TMEM132D: variants seen among roughly 807,000 people sequenced by gnomAD.
TMEM132D encodes the protein mature OL transmembrane protein.
TMEM132D carries 21 observed loss-of-function variants against 62.3 expected under a neutral mutation model. The ratio of observed to expected loss-of-function variants is 0.34; its 90% CI spans 0.24 to 0.49. The LOEUF (loss-of-function observed/expected upper bound fraction) is 0.49. Ranked by LOEUF, TMEM132D falls within the 20% of genes least tolerant of loss-of-function variation. The pLI is 0.99. For synonymous variants in TMEM132D, 621 were observed against 575.6 expected (o/e 1.08, Z -1.13); for missense variants, 1,346 against 1,402.8 (o/e 0.96, Z 0.65).
chr12:129,818,009 CTA>C (rs1358618374), intron 1 of TMEM132D, among the ~76,000 whole-genome samples: 2 of 118,012 alleles, frequency 1.7e-5, no homozygotes, highest in Non-Finnish European at 3.5e-5. Flanking sequence ...GTGTGTGTGT[CTA>C]TGTGCATCTC....
intron 3 of TMEM132D, among the ~76,000 whole-genome samples, chr12:129,414,130 G>A (rs537125711): frequency 3.5e-4 from 53 of 152,240 alleles, no homozygotes; most frequent in South Asian, 2.5e-3. Flanking sequence ...TAAAGTGGGC[G>A]GCTGTGTTAT....
At chr12:129,246,038 C>T (rs1454301137) in intron 4 of TMEM132D, among the ~76,000 whole-genome samples, 1 of 152,052 alleles carries the variant, frequency 6.6e-6, no homozygotes, top group Non-Finnish European at 1.5e-5. Context: ...TCATGTTGGA[C>T]CCTCTCCCCA....
At chr12:129,254,035 G>A (rs1880338986) in intron 4 of TMEM132D, among the ~76,000 whole-genome samples, 1 of 152,152 alleles carries the variant, frequency 6.6e-6, no homozygotes, top group African/African-American at 2.4e-5. Context: ...AAGCAAAAAC[G>A]GACTTGGTGT....
At chr12:129,345,043 C>T (rs4301843) in intron 3 of TMEM132D, among the ~76,000 whole-genome samples, 44,348 of 151,926 alleles carry the variant, frequency 0.29, 7,336 homozygotes, top group South Asian at 0.39. Flanking sequence ...ACTGAAAAAA[C>T]TTCTTTCCTT....
intron 3 of TMEM132D, among the ~76,000 whole-genome samples, chr12:129,437,571 G>A (rs1192228823): frequency 6.6e-6 from 1 of 152,124 alleles, no homozygotes; most frequent in Non-Finnish European, 1.5e-5. Context: ...TGGTAAGGAT[G>A]TGAAGTGATG....
chr12:129,626,155 T>C (rs1290905870), intron 2 of TMEM132D, among the ~76,000 whole-genome samples: 1 of 151,880 alleles, frequency 6.6e-6, no homozygotes, highest in East Asian at 1.9e-4. Flanking sequence ...GCTCAGCAGG[T>C]TCTTCTCTGC....
chr12:129,107,070 G>A (rs923624699), intron 5 of TMEM132D, among the ~76,000 whole-genome samples: 4 of 152,162 alleles, frequency 2.6e-5, no homozygotes, highest in African/African-American at 4.8e-5. Context: ...CTAGAACAGT[G>A]CTTGGCATAT....
Position 129,095,953 on chromosome 12 carries a change from C to T in TMEM132D, c.1444-11251G>A, listed in dbSNP as rs536059352. Among the ~76,000 whole-genome samples the T allele has an allele frequency of 3.3e-5, 5 of 152,234 alleles. No individual in the cohort carries two copies. The East Asian group carries it at 9.7e-4, about 30-fold the overall frequency. ...CATTCAGTCCCTAGAGCCTGCTTTC[C>T]TATTCCAGGAGGAAGTTGCCAGCCT... On this transcript the variant is annotated intron_variant, in intron 5 of 8. Coordinates refer to ENST00000422113, the MANE Select transcript of TMEM132D (RefSeq NM_133448.3).
chr12:129,272,098 C>T (rs1332825520), intron 4 of TMEM132D, among the ~76,000 whole-genome samples: 2 of 151,718 alleles, frequency 1.3e-5, no homozygotes, highest in Non-Finnish European at 2.9e-5. Context: ...TGATTGGATG[C>T]CAGGTACTAA....
At chr12:129,381,765 A>C (rs530983845) in intron 3 of TMEM132D, among the ~76,000 whole-genome samples, 2 of 152,064 alleles carry the variant, frequency 1.3e-5, no homozygotes, top group South Asian at 4.2e-4. Flanking sequence ...ACAGGTATGG[A>C]GCTTGACAAA....
intron 2 of TMEM132D, among the ~76,000 whole-genome samples, chr12:129,588,342 C>T (rs908966228): frequency 5.3e-5 from 8 of 152,136 alleles, no homozygotes; most frequent in South Asian, 2.1e-4. Context: ...ACTTGTGCTC[C>T]GGAATCACTC....
At chr12:129,510,859 G>T (rs11832043) in intron 3 of TMEM132D, among the ~76,000 whole-genome samples, 27,887 of 152,044 alleles carry the variant, frequency 0.18, 2,858 homozygotes, top group South Asian at 0.27. Flanking sequence ...GTTCACTGTT[G>T]GTATATGGAT....
chr12:129,594,811 A>G (rs1290431523), intron 2 of TMEM132D, among the ~76,000 whole-genome samples: 2 of 152,160 alleles, frequency 1.3e-5, no homozygotes, highest in African/African-American at 4.8e-5. Flanking sequence ...GCCTCTGTAC[A>G]TAGTAGGGAC....
chr12:129,235,400 G>GT (rs55691625), intron 4 of TMEM132D, among the ~76,000 whole-genome samples: 9,339 of 148,422 alleles, frequency 0.063, 910 homozygotes, highest in African/African-American at 0.21. Context: ...CCCCTAATGG[G>GT]TTTTTTTTTT....
intron 3 of TMEM132D, among the ~76,000 whole-genome samples, chr12:129,469,636 C>A (rs1412797298): frequency 1.3e-5 from 2 of 152,188 alleles, no homozygotes; most frequent in Non-Finnish European, 2.9e-5. Context: ...TCACCGGACC[C>A]AGAGAGTGGG....
intron 5 of TMEM132D, among the ~76,000 whole-genome samples, chr12:129,163,123 C>T (rs903203205): frequency 7.2e-5 from 11 of 152,294 alleles, no homozygotes; most frequent in Middle Eastern, 3.4e-3. Context: ...AAGGGGTGGG[C>T]TTTGTACAGA....
rs1871467285 is a variant in TMEM132D at position 129,397,554 on chromosome 12, G to A, written c.1116-59737C>T. ...GATGATTGCATTAAGCCCATCTTTG[G>A]ATGGAAGACAAGCAGAGAAAGGAAA... On this transcript the variant is annotated intron_variant, in intron 3 of 8. Transcript: ENST00000422113. Among the ~76,000 whole-genome samples, 3 of 152,070 alleles carry A rather than the reference G, an allele frequency of 2.0e-5. No homozygotes were observed. In the South Asian group the frequency reaches 6.2e-4, roughly 32 times the overall value.
At chr12:129,109,776 CT>C (rs1565967024) in intron 5 of TMEM132D, 1 of 160,982 alleles carries the variant, frequency 6.2e-6, no homozygotes, top group Non-Finnish European at 1.3e-5. Context: ...AATGAAACCT[CT>C]TTTTGTTCCC....
intron 5 of TMEM132D, among the ~76,000 whole-genome samples, chr12:129,120,548 G>A (rs12423558): frequency 0.054 from 8,277 of 152,188 alleles, 372 homozygotes; most frequent in East Asian, 0.22. Context: ...AAAAAGTTGA[G>A]GGGCTGTCCT....
Sources: gnomAD v4.1 joint callset for allele counts (sites outside exome capture counted in the v4.1 genomes callset) on GRCh38, gnomAD v4.1.1 for gene constraint, MANE v1.5 for transcripts, NCBI Gene and HGNC (gene_info 2026-07-23, HGNC 2026-07-21) for gene names.